The following SAMD5 variants were observed in gnomAD, a reference collection of about 807,000 sequenced individuals.
The protein encoded by SAMD5 is sterile alpha motif domain-containing protein 5.
A neutral mutation model predicts 11.3 loss-of-function variants in SAMD5; 13 were observed. The observed-to-expected ratio is 1.15, with a 90% CI of 0.75 to 1.83. The LOEUF is 1.83. Among genes scored for constraint, SAMD5 ranks in the 40% most tolerant of loss-of-function variants. SAMD5 has a pLI of 0.00. For missense variants in SAMD5, 255 were observed against 239.1 expected (o/e 1.07, Z -0.44); for synonymous variants, 129 against 111.3 (o/e 1.16, Z -1.00).
At chr6:147,737,672 CTTTTTTTT>C (rs10544345), downstream of SAMD5, 3 of 49,242 alleles carry the variant, frequency 6.1e-5, no homozygotes, top group South Asian at 1.0e-3. Flanking sequence ...AGATTGAGGG[CTTTTTTTT>C]TTTTTTTTTT....
the SAMD5 span, among the ~76,000 whole-genome samples, chr6:147,773,730 T>C: frequency 6.6e-6 from 1 of 152,090 alleles, no homozygotes; most frequent in Non-Finnish European, 1.5e-5. Flanking sequence ...CACCGCCCAA[T>C]AGCATCATAT....
At chr6:147,603,516 A>C (rs1301839667) in intron 1 of SAMD5, among the ~76,000 whole-genome samples, 1 of 152,200 alleles carries the variant, frequency 6.6e-6, no homozygotes, top group East Asian at 1.9e-4. Context: ...AACTGACAAT[A>C]GTAAGTTGAG....
At chr6:147,540,046 A>G (rs897667984) in intron 1 of SAMD5, among the ~76,000 whole-genome samples, 1 of 152,190 alleles carries the variant, frequency 6.6e-6, no homozygotes, top group East Asian at 1.9e-4. Context: ...CCATGGACAC[A>G]TAGGTGTCTT....
At chr6:147,863,304 C>G in the SAMD5 span, among the ~76,000 whole-genome samples, 1 of 152,094 alleles carries the variant, frequency 6.6e-6, no homozygotes, top group Non-Finnish European at 1.5e-5. Flanking sequence ...AGAATTGAGT[C>G]ACATTGGTAA....
At chr6:147,672,568 A>G (rs1219036327) in intron 1 of SAMD5, among the ~76,000 whole-genome samples, 4 of 152,170 alleles carry the variant, frequency 2.6e-5, no homozygotes, top group Non-Finnish European at 4.4e-5. Context: ...TATCCAGGAA[A>G]TGTTTAACAT....
chr6:147,931,030 A>C, the SAMD5 span, among the ~76,000 whole-genome samples: 1 of 152,166 alleles, frequency 6.6e-6, no homozygotes, highest in Admixed American at 6.5e-5. Context: ...GTTGACAGCT[A>C]ATGTTAACCA....
chr6:147,840,280 A>C, the SAMD5 span, among the ~76,000 whole-genome samples: 4 of 152,080 alleles, frequency 2.6e-5, no homozygotes, highest in South Asian at 6.2e-4. Flanking sequence ...TTCTACAAAC[A>C]CTTATCAAAT....
At chr6:147,910,563 G>T in the SAMD5 span, among the ~76,000 whole-genome samples, 6 of 152,128 alleles carry the variant, frequency 3.9e-5, no homozygotes, top group Admixed American at 2.6e-4. Context: ...AAAGGCTCAT[G>T]TTGTTTGATC....
chr6:147,563,791 C>T (rs1345569656), intron 1 of SAMD5, among the ~76,000 whole-genome samples: 1 of 147,666 alleles, frequency 6.8e-6, no homozygotes, highest in Non-Finnish European at 1.5e-5. Flanking sequence ...GTAAGAAATA[C>T]TTAATTAACC....
intron 1 of SAMD5, among the ~76,000 whole-genome samples, chr6:147,652,311 T>C (rs116852210): frequency 2.1e-3 from 319 of 152,342 alleles, no homozygotes; most frequent in Non-Finnish European, 3.8e-3. Flanking sequence ...GTTGGTTTTT[T>C]TTTAGAAAGT....
At chr6:147,821,486 G>A in the SAMD5 span, among the ~76,000 whole-genome samples, 1 of 152,170 alleles carries the variant, frequency 6.6e-6, no homozygotes, top group Admixed American at 6.5e-5. Context: ...GCCAACAAAA[G>A]CTCTCACGGC....
chr6:147,850,825 A>C, the SAMD5 span, among the ~76,000 whole-genome samples: 61,108 of 151,822 alleles, frequency 0.4, 13,593 homozygotes, highest in African/African-American at 0.6. Flanking sequence ...ACCGAGTAGC[A>C]GACTCGGTGA....
the SAMD5 span, among the ~76,000 whole-genome samples, chr6:147,909,174 A>G: frequency 6.6e-6 from 1 of 152,200 alleles, no homozygotes; most frequent in East Asian, 1.9e-4. Flanking sequence ...GCGCCACCAC[A>G]CGCCAGCCTA....
At chr6:147,800,005 T>G in the SAMD5 span, among the ~76,000 whole-genome samples, 1 of 152,198 alleles carries the variant, frequency 6.6e-6, no homozygotes, top group Middle Eastern at 3.4e-3. Context: ...TTCTTTGCCT[T>G]TGGTTTGAAT....
In SAMD5 at chr6:147,566,414, C is replaced by A; in HGVS notation, c.*1958C>A. ...TAACAAATGGCTTCCTGTTTGACCT[C>A]ATTTCCAGGTGTCGCATCCGTGGCT... On this transcript the variant is annotated 3_prime_UTR_variant, in exon 2 of 2. Coordinates refer to ENST00000367474, the MANE Select transcript of SAMD5 (RefSeq NM_001030060.3). 1.0e-6 allele frequency: 1 copy of A among 985,074 alleles called. No homozygotes were observed. Among genetic ancestry groups the A allele is most frequent in the Non-Finnish European group, 1.2e-6 (1 of 829,308 alleles). The allele number at this position is 985,074 out of a possible 1,614,324, so 61.0% of individuals were successfully genotyped here. A position where few individuals can be genotyped will look rare whatever the true frequency, so the allele number is the denominator to read the frequency against.
At chr6:147,693,127 A>G (rs1791126642) in intron 1 of SAMD5, among the ~76,000 whole-genome samples, 1 of 152,222 alleles carries the variant, frequency 6.6e-6, no homozygotes, top group South Asian at 2.1e-4. Flanking sequence ...GAGTCTTTCA[A>G]TTCTGCCCCT....
chr6:147,705,483 G>T (rs776512969), intron 1 of SAMD5, among the ~76,000 whole-genome samples: 1 of 151,592 alleles, frequency 6.6e-6, no homozygotes. Context: ...TTAGATTATT[G>T]TTTTTTTAAG....
At chr6:147,925,678 AAT>A in the SAMD5 span, among the ~76,000 whole-genome samples, 7 of 134,418 alleles carry the variant, frequency 5.2e-5, no homozygotes, top group Non-Finnish European at 1.1e-4. Context: ...TCTGACTGAG[AAT>A]TCTTTTTTTT....
chr6:147,839,342 T>G, the SAMD5 span, among the ~76,000 whole-genome samples: 1 of 152,232 alleles, frequency 6.6e-6, no homozygotes, highest in African/African-American at 2.4e-5. Flanking sequence ...GTTTAAGAGC[T>G]ATCAGCTATC....
Sources: allele counts gnomAD v4.1 joint callset (sites outside exome capture counted in the v4.1 genomes callset), GRCh38; gene constraint gnomAD v4.1.1; transcripts MANE v1.5; gene names NCBI Gene and HGNC (gene_info 2026-07-23, HGNC 2026-07-21).